The following UBE2E2 variants were observed in gnomAD, a reference collection of about 807,000 sequenced individuals.
The protein encoded by UBE2E2 is ubiquitin conjugating enzyme E2 E2.
UBE2E2 carries 6 observed loss-of-function variants against 24.7 expected under a neutral mutation model. The observed-to-expected ratio is 0.24, with a 90% CI of 0.13 to 0.48. The LOEUF (loss-of-function observed/expected upper bound fraction) is 0.48. Among genes scored for constraint, UBE2E2 ranks in the 20% least tolerant of loss-of-function variants. The pLI is 0.99. For synonymous variants in UBE2E2, 104 were observed against 83.6 expected, an observed-to-expected ratio of 1.24 and a Z score of -1.33; for missense variants, 169 against 245.0, an observed-to-expected ratio of 0.69 and a Z score of 2.07.
intron 3 of UBE2E2, among the ~76,000 whole-genome samples, chr3:23,218,869 C>T (rs145361623): frequency 2.6e-5 from 4 of 152,074 alleles, no homozygotes; most frequent in African/African-American, 9.6e-5. Context: ...GTAAAAGAAA[C>T]GTTTAACTAT....
intron 1 of UBE2E2, among the ~76,000 whole-genome samples, chr3:23,207,651 A>G (rs1696187450): frequency 6.6e-6 from 1 of 152,158 alleles, no homozygotes; most frequent in African/African-American, 2.4e-5. Context: ...AGGGATTTGA[A>G]AGTGTCGTCC....
intron 4 of UBE2E2, among the ~76,000 whole-genome samples, chr3:23,518,968 A>G (rs1694803155): frequency 6.6e-6 from 1 of 152,216 alleles, no homozygotes; most frequent in Non-Finnish European, 1.5e-5. Flanking sequence ...TTTGAGAACG[A>G]ACATCATATA....
At chr3:23,552,961 TTA>T (rs1445688666) in intron 5 of UBE2E2, among the ~76,000 whole-genome samples, 2 of 152,204 alleles carry the variant, frequency 1.3e-5, no homozygotes, top group African/African-American at 2.4e-5. Flanking sequence ...GTAAATTTTT[TTA>T]TGTTAAGAAA....
chr3:23,235,038 A>G (rs1697069086), intron 3 of UBE2E2, among the ~76,000 whole-genome samples: 2 of 152,236 alleles, frequency 1.3e-5, no homozygotes, highest in African/African-American at 4.8e-5. Context: ...CTAAGGGCCA[A>G]TATGTGATCA....
chr3:23,230,483 A>T lies in UBE2E2; in HGVS notation c.227+13171A>T, dbSNP rs576055497. On this transcript the variant is annotated intron_variant, in intron 3 of 5. Coordinates refer to ENST00000396703, the MANE Select transcript of UBE2E2 (RefSeq NM_152653.4). ...TTGGGAGTTCTTATCCATGATCATG[A>T]GGTACATTGGAGAAGAGTTGGCTGG... is the stretch of plus-strand genomic sequence containing the variant. Among the ~76,000 whole-genome samples, 32 of 152,148 alleles carry T rather than the reference A, an allele frequency of 2.1e-4. 1 individual carries two copies. The highest frequency in any genetic ancestry group is 4.4e-4 in the Non-Finnish European group (30 of 68,022).
At chr3:23,495,458 T>C (rs1699580531) in intron 3 of UBE2E2, among the ~76,000 whole-genome samples, 1 of 152,246 alleles carries the variant, frequency 6.6e-6, no homozygotes, top group Admixed American at 6.5e-5. Context: ...TTTCTTAAAG[T>C]GACCCAGAGA....
chr3:23,273,487 C>T (rs978949686), intron 3 of UBE2E2, among the ~76,000 whole-genome samples: 41 of 150,362 alleles, frequency 2.7e-4, no homozygotes, highest in South Asian at 1.5e-3. Flanking sequence ...GCCGAGATTG[C>T]GCCACTGCAC....
intron 4 of UBE2E2, among the ~76,000 whole-genome samples, chr3:23,519,692 T>C (rs1028965880): frequency 1.3e-5 from 2 of 152,216 alleles, no homozygotes; most frequent in Non-Finnish European, 2.9e-5. Context: ...TTGTTTTGTT[T>C]TTGAGACAGG....
intron 3 of UBE2E2, among the ~76,000 whole-genome samples, chr3:23,457,248 A>G (rs1698699190): frequency 6.6e-6 from 1 of 152,196 alleles, no homozygotes; most frequent in African/African-American, 2.4e-5. Flanking sequence ...GGAGTTTGCC[A>G]AAGTTCATCT....
At chr3:23,477,236 A>G (rs1295669132) in intron 3 of UBE2E2, among the ~76,000 whole-genome samples, 1 of 152,238 alleles carries the variant, frequency 6.6e-6, no homozygotes, top group Non-Finnish European at 1.5e-5. Flanking sequence ...AGAGAAAGCA[A>G]TTTATCATGT....
intron 3 of UBE2E2, among the ~76,000 whole-genome samples, chr3:23,485,456 A>G (rs941831301): frequency 6.6e-6 from 1 of 152,190 alleles, no homozygotes; most frequent in African/African-American, 2.4e-5. Flanking sequence ...TATTATTTAC[A>G]GAGCCTATTT....
chr3:23,215,120 C>G (rs1696439923), intron 2 of UBE2E2, among the ~76,000 whole-genome samples: 1 of 151,912 alleles, frequency 6.6e-6, no homozygotes, highest in Admixed American at 6.6e-5. Context: ...GTTTCTTATT[C>G]CTATGAATAA....
chr3:23,221,966 A>G (rs1186286571), intron 3 of UBE2E2, among the ~76,000 whole-genome samples: 2 of 152,158 alleles, frequency 1.3e-5, no homozygotes, highest in African/African-American at 4.8e-5. Context: ...CAGTGAATAT[A>G]CATTTATATA....
At chr3:23,267,020 C>A (rs1040224720) in intron 3 of UBE2E2, among the ~76,000 whole-genome samples, 17 of 151,810 alleles carry the variant, frequency 1.1e-4, no homozygotes, top group African/African-American at 3.9e-4. Flanking sequence ...AACAAAGACA[C>A]AACATACCAG....
intron 3 of UBE2E2, among the ~76,000 whole-genome samples, chr3:23,325,807 T>C (rs1169776913): frequency 6.6e-6 from 1 of 152,232 alleles, no homozygotes; most frequent in Non-Finnish European, 1.5e-5. Context: ...TAAAAATAAC[T>C]AGGGAGCCCT....
At chr3:23,584,738 T>TG (rs1696577250) in intron 5 of UBE2E2, among the ~76,000 whole-genome samples, 1 of 146,318 alleles carries the variant, frequency 6.8e-6, no homozygotes, top group African/African-American at 2.5e-5. Flanking sequence ...TTTTTTTTTT[T>TG]TTTTTTTTTT....
intron 3 of UBE2E2, among the ~76,000 whole-genome samples, chr3:23,429,751 G>A (rs1238750019): frequency 6.6e-6 from 1 of 152,158 alleles, no homozygotes; most frequent in Non-Finnish European, 1.5e-5. Flanking sequence ...CAAATCATAT[G>A]ACCATTTATG....
chr3:23,416,412 A>G lies in UBE2E2; in HGVS notation c.228-83196A>G, dbSNP rs777454917. On this transcript the variant is annotated intron_variant, in intron 3 of 5. Coordinates refer to ENST00000396703, the MANE Select transcript of UBE2E2 (RefSeq NM_152653.4). ...CCTCTGGCTTGTAGGGTTTCTGCCA[A>G]GAGATCTGCTGTTAGTCTGATGGGC... is the stretch of plus-strand genomic sequence containing the variant. 1.4e-4 allele frequency among the ~76,000 whole-genome samples: 21 copies of G among 152,302 alleles called. No individual in the cohort carries two copies. The East Asian group carries it at 2.3e-3, about 17-fold the overall frequency.
intron 3 of UBE2E2, among the ~76,000 whole-genome samples, chr3:23,433,142 G>A (rs550051047): frequency 6.6e-6 from 1 of 151,882 alleles, no homozygotes; most frequent in South Asian, 2.1e-4. Flanking sequence ...ATTATTGAAT[G>A]TCAGTTTCTG....
Sources: allele counts gnomAD v4.1 joint callset (sites outside exome capture counted in the v4.1 genomes callset), GRCh38; gene constraint gnomAD v4.1.1; transcripts MANE v1.5; gene names NCBI Gene and HGNC (gene_info 2026-07-23, HGNC 2026-07-21).